SYT1: variants seen among roughly 807,000 people sequenced by gnomAD.
SYT1 encodes synaptotagmin 1, also known as synaptotagmin-1.
SYT1 carries 8 observed loss-of-function variants against 44.8 expected under a neutral mutation model. The observed-to-expected ratio is 0.18, with a 90% CI of 0.10 to 0.32. The LOEUF (loss-of-function observed/expected upper bound fraction) is 0.32. SYT1 is among the 10% of genes least tolerant of loss of function. The pLI is 1.00. For missense variants in SYT1, 286 were observed against 509.3 expected, an observed-to-expected ratio of 0.56 and a Z score of 4.22; for synonymous variants, 154 against 188.8, an observed-to-expected ratio of 0.82 and a Z score of 1.51.
At chr12:79,109,973 T>C (rs1592756572) in intron 3 of SYT1, among the ~76,000 whole-genome samples, 1 of 152,362 alleles carries the variant, frequency 6.6e-6, no homozygotes, top group East Asian at 1.9e-4. Flanking sequence ...GAAAATAAAT[T>C]AGTCTCATAT....
chr12:79,173,884 C>G (rs139070951), intron 3 of SYT1, among the ~76,000 whole-genome samples: 1 of 151,906 alleles, frequency 6.6e-6, no homozygotes. Context: ...TAGCAAGTGC[C>G]GTAATGTATA....
intron 1 of SYT1, among the ~76,000 whole-genome samples, chr12:78,925,075 C>T (rs1486302889): frequency 6.6e-6 from 1 of 151,870 alleles, no homozygotes; most frequent in Non-Finnish European, 1.5e-5. Flanking sequence ...TGTGTCACTA[C>T]ATATCTATTT....
intron 3 of SYT1, among the ~76,000 whole-genome samples, chr12:79,191,895 C>T (rs1873153006): frequency 6.6e-6 from 1 of 151,786 alleles, no homozygotes; most frequent in Non-Finnish European, 1.5e-5. Flanking sequence ...AGATCAGTAG[C>T]CATAACCGTG....
At chr12:79,126,552 C>G (rs757007220) in intron 3 of SYT1, among the ~76,000 whole-genome samples, 1 of 152,194 alleles carries the variant, frequency 6.6e-6, no homozygotes, top group Admixed American at 6.5e-5. Context: ...AGCCACCATA[C>G]CCGGCCAAAA....
chr12:79,118,022 A>C (rs1879396558), intron 3 of SYT1, among the ~76,000 whole-genome samples: 1 of 152,010 alleles, frequency 6.6e-6, no homozygotes, highest in South Asian at 2.1e-4. Flanking sequence ...TGTAGCACAG[A>C]GCCGAGAAAG....
rs754389860 is a variant in SYT1, at chr12:79,444,104, T to A, written c.960T>A (p.Asn320Lys). 1 of 1,613,548 alleles carries A rather than the reference T, an allele frequency of 6.2e-7. No individual in the cohort carries two copies. ...DPYVKIHLMQ[N>K]GKRLKKKKTT... is the part of the protein sequence containing the mutation. ...ATGTGAAGATTCATCTGATGCAGAA[T>A]GGTAAGAGGCTGAAGAAGAAAAAGA... Residue 320 changes from asparagine to lysine, a missense_variant, in exon 10 of 11, where the codon AAT becomes AAA. Coordinates refer to ENST00000261205, the MANE Select transcript of SYT1 (RefSeq NM_005639.3).
intron 1 of SYT1, among the ~76,000 whole-genome samples, chr12:78,925,763 A>G (rs1413430153): frequency 1.3e-5 from 2 of 151,962 alleles, no homozygotes; most frequent in African/African-American, 4.8e-5. Context: ...TCTATGTTCA[A>G]TTACACACTC....
At chr12:79,065,624 A>G (rs1875786254) in intron 3 of SYT1, among the ~76,000 whole-genome samples, 1 of 152,220 alleles carries the variant, frequency 6.6e-6, no homozygotes, top group African/African-American at 2.4e-5. Flanking sequence ...GAGGAAAAAA[A>G]AAGTCAAGGA....
At chr12:79,086,344 C>G (rs1877383309) in intron 3 of SYT1, among the ~76,000 whole-genome samples, 1 of 152,076 alleles carries the variant, frequency 6.6e-6, no homozygotes, top group African/African-American at 2.4e-5. Flanking sequence ...GATATCTACT[C>G]TCTATCAGGC....
At chr12:79,379,146 G>A (rs1884117291) in intron 9 of SYT1, among the ~76,000 whole-genome samples, 1 of 152,152 alleles carries the variant, frequency 6.6e-6, no homozygotes, top group Admixed American at 6.5e-5. Context: ...TGTTCTGAGA[G>A]CATGGTTTAG....
At chr12:79,054,818 C>T (rs1291288399) in intron 3 of SYT1, among the ~76,000 whole-genome samples, 1 of 151,872 alleles carries the variant, frequency 6.6e-6, no homozygotes, top group Admixed American at 6.6e-5. Flanking sequence ...TCAAGCTACT[C>T]GTCTGTTTAA....
At chr12:78,979,146 T>C (rs1314314324) in intron 2 of SYT1, among the ~76,000 whole-genome samples, 1 of 152,206 alleles carries the variant, frequency 6.6e-6, no homozygotes, top group Non-Finnish European at 1.5e-5. Flanking sequence ...CCAGTATTGA[T>C]AGTACTTCAG....
chr12:79,389,090 T>A (rs925995820), intron 9 of SYT1, among the ~76,000 whole-genome samples: 1 of 152,210 alleles, frequency 6.6e-6, no homozygotes, highest in African/African-American at 2.4e-5. Context: ...GTACTCTCTC[T>A]CTACTTACAA....
At chr12:79,145,780 C>T (rs1382079435) in intron 3 of SYT1, among the ~76,000 whole-genome samples, 4 of 150,040 alleles carry the variant, frequency 2.7e-5, no homozygotes, top group South Asian at 2.1e-4. Flanking sequence ...TTTTTTGAGA[C>T]GGAGTCTCGC....
intron 4 of SYT1, among the ~76,000 whole-genome samples, chr12:79,283,063 G>A (rs1050807698): frequency 1.3e-5 from 2 of 152,038 alleles, no homozygotes; most frequent in African/African-American, 4.8e-5. Flanking sequence ...ATTTTAACAT[G>A]AGCATCCAAG....
chr12:78,957,734 G>T (rs559644916), intron 1 of SYT1, among the ~76,000 whole-genome samples: 5 of 151,982 alleles, frequency 3.3e-5, no homozygotes, highest in Non-Finnish European at 5.9e-5. Flanking sequence ...GGGTTGTTAA[G>T]GTCCTGTGCA....
intron 8 of SYT1, among the ~76,000 whole-genome samples, chr12:79,322,492 A>G (rs1445337000): frequency 2.0e-5 from 3 of 152,210 alleles, no homozygotes; most frequent in Admixed American, 6.5e-5. Flanking sequence ...AGTTTAAGTA[A>G]GATTTACATT....
chr12:79,102,636 C>T (rs1406877769), intron 3 of SYT1, among the ~76,000 whole-genome samples: 2 of 152,228 alleles, frequency 1.3e-5, no homozygotes, highest in Admixed American at 6.5e-5. Flanking sequence ...TCCAGTGTCA[C>T]AGCACTTAGC....
chr12:79,400,730 C>A (rs145629150), intron 9 of SYT1, among the ~76,000 whole-genome samples: 1 of 152,342 alleles, frequency 6.6e-6, no homozygotes, highest in African/African-American at 2.4e-5. Context: ...GGGCACATTG[C>A]TGAAAGGCAG....
Sources: allele counts gnomAD v4.1 joint callset (sites outside exome capture counted in the v4.1 genomes callset), GRCh38; gene constraint gnomAD v4.1.1; transcripts MANE v1.5; gene names NCBI Gene and HGNC (gene_info 2026-07-23, HGNC 2026-07-21).